The following FABP4 variants were observed in gnomAD, a reference collection of about 807,000 sequenced individuals.
The protein encoded by FABP4 is fatty acid-binding protein, adipocyte.
FABP4 carries 17 observed loss-of-function variants against 14.6 expected under a neutral mutation model. The ratio of observed to expected loss-of-function variants is 1.16; its 90% confidence interval spans 0.80 to 1.74. FABP4 has a LOEUF of 1.74. Ranked by LOEUF, FABP4 falls within the 40% of genes most tolerant of loss-of-function variation. The pLI is 0.00. For missense variants in FABP4, 149 were observed against 160.3 expected (o/e 0.93, Z 0.38); for synonymous variants, 54 against 54.6 (o/e 0.99, Z 0.05).
chr8:81,481,761 G>T (rs73694940), intron 1 of FABP4, among the ~76,000 whole-genome samples: 1 of 152,172 alleles, frequency 6.6e-6, no homozygotes, highest in South Asian at 2.1e-4. Context: ...AGTCCACTTC[G>T]TGAATGCAGG....
intron 1 of FABP4, 136 bp downstream of exon 1, chr8:81,482,959 G>A (rs1808102567): frequency 1.7e-6 from 1 of 577,436 alleles, no homozygotes; most frequent in Non-Finnish European, 2.9e-6. Flanking sequence ...CTTGCTATGT[G>A]TGCAGCCTCT....
At chr8:81,479,371 C>A in intron 3 of FABP4, 43 bp downstream of exon 3, 1 of 1,442,438 alleles carries the variant, frequency 6.9e-7, no homozygotes, top group Non-Finnish European at 9.8e-7. Flanking sequence ...CATGAGATAA[C>A]CTAGCAGTAA....
chr8:81,478,923 C>T lies in FABP4; in HGVS notation c.349-8G>A, dbSNP rs1328744532. 6.2e-7 allele frequency: 1 copy of T among 1,611,174 alleles called. No homozygotes were observed. Among genetic ancestry groups the T allele is most frequent in the Non-Finnish European group, 8.5e-7 (1 of 1,178,410 alleles). On this transcript the variant is annotated splice_polypyrimidine_tract_variant and splice_region_variant and intron_variant, in intron 3 of 3. Coordinates refer to ENST00000256104, the MANE Select transcript of FABP4 (RefSeq NM_001442.3). ...GCCTTTCATGACGCATTCCTAGACA[C>T]AAAAAACAATTCTTGGTCAATCACT...
chr8:81,480,131 C>T (rs1461545129), intron 2 of FABP4, among the ~76,000 whole-genome samples: 2 of 152,094 alleles, frequency 1.3e-5, no homozygotes, highest in Admixed American at 6.6e-5. Flanking sequence ...AACACTTGAA[C>T]CCAGGAATTC....
intron 3 of FABP4, 22 bp from the exon 4 acceptor site, chr8:81,478,937 T>A (rs764073207): frequency 6.2e-7 from 1 of 1,603,094 alleles, no homozygotes; most frequent in Non-Finnish European, 8.5e-7. Flanking sequence ...AAACAATTCT[T>A]GGTCAATCAC....
Position 81,479,399 on chromosome 8 carries a change from C to A in FABP4, c.348+15G>T. 6.3e-7 allele frequency: 1 copy of A among 1,593,506 alleles called. No homozygotes were observed. The highest frequency in any genetic ancestry group is 8.6e-7 in the Non-Finnish European group (1 of 1,161,818). Reference sequence around the variant, plus strand: ...AGCAGTAAGATCCAGAATTAAGTAGCTAGAAGATACTCACCACCACCAGTT... The same window carrying A: ...AGCAGTAAGATCCAGAATTAAGTAGATAGAAGATACTCACCACCACCAGTT... On this transcript the variant is annotated intron_variant, in intron 3 of 3. Transcript: ENST00000256104.
chr8:81,479,287 A>C, intron 3 of FABP4, 127 bp downstream of exon 3: 1 of 770,522 alleles, frequency 1.3e-6, no homozygotes, highest in Non-Finnish European at 2.1e-6. Context: ...GAGTGGAAGC[A>C]TAATTCCAAT....
chr8:81,480,774 A>G (rs1224160516), intron 1 of FABP4, among the ~76,000 whole-genome samples, 176 bp from the exon 2 acceptor site: 1 of 151,964 alleles, frequency 6.6e-6, no homozygotes, highest in Admixed American at 6.5e-5. Flanking sequence ...TACTTAAAAA[A>G]AAAAAAAAAA....
Position 81,479,493 on chromosome 8 carries a change from C to T in FABP4, c.269G>A (p.Gly90Asp), listed in dbSNP as rs141169989. 6.2e-7 allele frequency: 1 copy of T among 1,613,064 alleles called. No individual in the cohort carries two copies. Among genetic ancestry groups the T allele is most frequent in the South Asian group, 1.1e-5 (1 of 91,038 alleles). The change falls in exon 3 of 4, where the codon GGT becomes GAT. Residue 90 changes from glycine to aspartate, a missense_variant. Gly to Asp is a moderately conservative substitution (Grantham distance 94). Transcript: ENST00000256104. ...KVKSTITLDG[G>D]VLVHVQKWDG... is the part of the protein sequence containing the mutation. ...CCATTTCTGCACATGTACCAGGACACCCCCATCTAAGGTTATGGTGCTCTG... is the reference window on the plus strand; with the variant it reads ...CCATTTCTGCACATGTACCAGGACATCCCCATCTAAGGTTATGGTGCTCTG...
At chr8:81,481,930 A>C (rs1307572430) in intron 1 of FABP4, among the ~76,000 whole-genome samples, 1 of 152,174 alleles carries the variant, frequency 6.6e-6, no homozygotes, top group Non-Finnish European at 1.5e-5. Flanking sequence ...CTTTAATTAT[A>C]ATCAGCCCTT....
intron 1 of FABP4, among the ~76,000 whole-genome samples, chr8:81,482,650 G>A (rs111881614): frequency 9.9e-5 from 15 of 152,096 alleles, no homozygotes; most frequent in East Asian, 3.9e-4. Context: ...GCTAACATAC[G>A]GTTACTGAAA....
At chr8:81,479,799 ATTTC>A (rs748745431) in intron 2 of FABP4, 33 of 238,202 alleles carry the variant, frequency 1.4e-4, no homozygotes, top group Non-Finnish European at 2.2e-4. Flanking sequence ...TGGTTTTTCT[ATTTC>A]TTTCTTCCAT....
At chr8:81,480,379 G>C (rs1426651843) in intron 2 of FABP4, 47 bp downstream of exon 2, 2 of 1,552,008 alleles carry the variant, frequency 1.3e-6, no homozygotes, top group Non-Finnish European at 8.8e-7. Context: ...TAGCAGTGGT[G>C]ATTTAGAAAC....
In FABP4 at chr8:81,479,560, GA is replaced by G. The variant is rs774364571; in HGVS notation, c.247-46del. 5 of 1,444,856 alleles carry G rather than the reference GA, an allele frequency of 3.5e-6. No individual in the cohort carries two copies. In the South Asian group the frequency reaches 3.6e-5, roughly 10 times the overall value. The allele number at this position is 1,444,856 out of a possible 1,614,324, so 89.5% of individuals were successfully genotyped here. A position where few individuals can be genotyped will look rare whatever the true frequency, so the allele number is the denominator to read the frequency against. On this transcript the variant is annotated intron_variant, in intron 2 of 3. Coordinates refer to ENST00000256104, the MANE Select transcript of FABP4 (RefSeq NM_001442.3). ...TAATGACAATGTGCAGAGGGAGGCAGAAAAAAATTTAAAATAGAGTGCCTTT... is the reference window on the plus strand; with the variant it reads ...TAATGACAATGTGCAGAGGGAGGCAGAAAAAATTTAAAATAGAGTGCCTTT...
intron 1 of FABP4, 26 bp downstream of exon 1, chr8:81,483,069 A>C: frequency 6.4e-7 from 1 of 1,557,618 alleles, no homozygotes; most frequent in Non-Finnish European, 8.8e-7. Context: ...TTATAAATCC[A>C]GTCATTCCAC....
In FABP4 at chr8:81,478,779, AAAC is replaced by A; in HGVS notation, c.*83_*85del. 8.0e-7 allele frequency: 1 copy of A among 1,256,158 alleles called. No homozygotes were observed. The highest frequency in any genetic ancestry group is 1.5e-5 in the South Asian group (1 of 68,342). 77.8% of individuals were successfully genotyped at this position (1,256,158 alleles called of 1,614,324 possible). A position where few individuals can be genotyped will look rare whatever the true frequency, so the allele number is the denominator to read the frequency against. On this transcript the variant is annotated 3_prime_UTR_variant, in exon 4 of 4. Transcript: ENST00000256104. ...AATTAGTTGCTTGCTAAATCATGGAAAACAACAATATCTTTTTGAACAATATAT... is the reference window on the plus strand; with the variant it reads ...AATTAGTTGCTTGCTAAATCATGGAAAACAATATCTTTTTGAACAATATAT...
chr8:81,480,214 A>T (rs1436412187), intron 2 of FABP4, among the ~76,000 whole-genome samples: 5 of 152,166 alleles, frequency 3.3e-5, no homozygotes, highest in African/African-American at 7.2e-5. Context: ...GTCTCTAAAA[A>T]TAATAATACT....
chr8:81,480,768 T>TAAA lies in FABP4; in HGVS notation c.74-173_74-171dup, dbSNP rs74275141. Among the ~76,000 whole-genome samples, 59 of 130,298 alleles carry TAAA rather than the reference T, an allele frequency of 4.5e-4. 1 individual carries two copies. In the South Asian group the frequency reaches 0.012, roughly 27 times the overall value. 85.5% of individuals were successfully genotyped at this position (130,298 alleles called of 152,430 possible). A position where few individuals can be genotyped will look rare whatever the true frequency, so the allele number is the denominator to read the frequency against. On this transcript the variant is annotated intron_variant, in intron 1 of 3. Transcript: ENST00000256104. The stretch of plus-strand genomic sequence containing the variant: ...CTGCAGATAAAATCAGGCCAATACT[T>TAAA]AAAAAAAAAAAAAAAAGAAAACCCA...
chr8:81,482,503 A>G (rs1263691850), intron 1 of FABP4, among the ~76,000 whole-genome samples: 2 of 152,220 alleles, frequency 1.3e-5, no homozygotes, highest in African/African-American at 2.4e-5. Flanking sequence ...TGATAATTCT[A>G]TGGCATACTA....
Sources: allele counts gnomAD v4.1 joint callset (sites outside exome capture counted in the v4.1 genomes callset), GRCh38; gene constraint gnomAD v4.1.1; transcripts MANE v1.5; gene names NCBI Gene and HGNC (gene_info 2026-07-23, HGNC 2026-07-21).